The following DTNB variants were observed in gnomAD, a reference collection of about 807,000 sequenced individuals.
The protein encoded by DTNB is DTN-B.
DTNB carries 63 observed loss-of-function variants against 90.7 expected under a neutral mutation model. That is an observed-to-expected ratio of 0.69 (90% CI 0.57 to 0.86). The LOEUF is 0.86. DTNB is among the 40% of genes least tolerant of loss of function. The pLI, the probability that DTNB is intolerant of heterozygous loss-of-function variation, is 0.00. For synonymous variants in DTNB, 277 were observed against 286.7 expected (o/e 0.97, Z 0.34); for missense variants, 744 against 807.1 (o/e 0.92, Z 0.95).
intron 3 of DTNB, among the ~76,000 whole-genome samples, chr2:25,634,538 C>G (rs1427322904): frequency 6.8e-6 from 1 of 147,346 alleles, no homozygotes; most frequent in Non-Finnish European, 1.5e-5. Flanking sequence ...GCCCGGCCAC[C>G]ACCCCGTCTG....
At chr2:25,457,537 C>T (rs750548087) in intron 10 of DTNB, among the ~76,000 whole-genome samples, 3 of 152,054 alleles carry the variant, frequency 2.0e-5, no homozygotes, top group East Asian at 1.9e-4. Flanking sequence ...TTCAAGGTAC[C>T]GTTCCATTTT....
intron 4 of DTNB, among the ~76,000 whole-genome samples, chr2:25,619,684 T>C (rs760500834): frequency 6.6e-6 from 1 of 152,056 alleles, no homozygotes; most frequent in Admixed American, 6.6e-5. Context: ...AAACAAGAAC[T>C]GTAAGTCATC....
chr2:25,636,315 A>G (rs2077117831), intron 3 of DTNB, among the ~76,000 whole-genome samples: 1 of 152,202 alleles, frequency 6.6e-6, no homozygotes, highest in Non-Finnish European at 1.5e-5. Context: ...ACTGACTACT[A>G]CTTATCCTGT....
chr2:25,407,057 T>C (rs2045374025), intron 16 of DTNB, among the ~76,000 whole-genome samples: 1 of 152,196 alleles, frequency 6.6e-6, no homozygotes, highest in Non-Finnish European at 1.5e-5. Flanking sequence ...TAGCCATCTG[T>C]GCAGAGCTGG....
Position 25,474,783 on chromosome 2 carries a change from C to T in DTNB, c.1079+8013G>A, listed in dbSNP as rs529991625. On this transcript the variant is annotated intron_variant, in intron 10 of 20. Transcript: ENST00000406818. ...CATTTTTTCCAACAGCATGTGCTCA[C>T]TTGGTGTCTCTGTGCCACATTTTGG... Among the ~76,000 whole-genome samples, 3 of 152,310 alleles carry T rather than the reference C, an allele frequency of 2.0e-5. 1 individual carries two copies. The South Asian group carries it at 6.2e-4, about 32-fold the overall frequency.
intron 9 of DTNB, among the ~76,000 whole-genome samples, chr2:25,484,010 CTACA>C (rs1257831693): frequency 6.6e-6 from 1 of 152,164 alleles, no homozygotes; most frequent in African/African-American, 2.4e-5. Flanking sequence ...AGCTTGGAGG[CTACA>C]TACATAGAGT....
chr2:25,620,273 C>T (rs17803855), intron 4 of DTNB, among the ~76,000 whole-genome samples: 4,836 of 152,144 alleles, frequency 0.032, 105 homozygotes, highest in Middle Eastern at 0.055. Flanking sequence ...ATTAAACCAA[C>T]GGAGGAGTGT....
intron 1 of DTNB, among the ~76,000 whole-genome samples, chr2:25,665,538 ATC>A (rs1379653042): frequency 6.6e-6 from 1 of 152,114 alleles, no homozygotes; most frequent in Non-Finnish European, 1.5e-5. Flanking sequence ...AGGCAAGAGA[ATC>A]CCTTGAACCC....
intron 16 of DTNB, 44 bp from the exon 17 acceptor site, chr2:25,388,405 C>A (rs781610144): frequency 6.4e-7 from 1 of 1,555,892 alleles, no homozygotes; most frequent in Admixed American, 1.9e-5. Flanking sequence ...AAGTACCTGA[C>A]CTCTTTGAGG....
intron 14 of DTNB, among the ~76,000 whole-genome samples, chr2:25,428,641 C>T (rs1031355082): frequency 2.0e-5 from 3 of 152,048 alleles, no homozygotes; most frequent in South Asian, 4.1e-4. Context: ...CCATGTTGGC[C>T]AGGCTGGTCT....
chr2:25,628,487 A>G (rs978533682), intron 3 of DTNB, 103 bp from the exon 4 acceptor site: 1 of 1,104,798 alleles, frequency 9.1e-7, no homozygotes, highest in African/African-American at 1.6e-5. Flanking sequence ...TTTAAAGAGA[A>G]GAAACTCTTT....
At chr2:25,558,517 C>T in intron 8 of DTNB, 1 of 515,734 alleles carries the variant, frequency 1.9e-6, no homozygotes, top group Non-Finnish European at 2.5e-6. Flanking sequence ...CTAAGTCATA[C>T]ACTTCTTTGT....
chr2:25,484,550 C>CT (rs1393939253), intron 9 of DTNB, among the ~76,000 whole-genome samples: 1 of 152,178 alleles, frequency 6.6e-6, no homozygotes, highest in African/African-American at 2.4e-5. Context: ...TATCTATGCA[C>CT]TTTTTTTTCT....
At chr2:25,548,752 G>A (rs1196533643) in intron 8 of DTNB, among the ~76,000 whole-genome samples, 2 of 152,294 alleles carry the variant, frequency 1.3e-5, no homozygotes, top group East Asian at 3.9e-4. Flanking sequence ...AGCTCTTGGA[G>A]TGCATCCAGC....
At chr2:25,473,628 A>G (rs2063219623) in intron 10 of DTNB, among the ~76,000 whole-genome samples, 5 of 152,160 alleles carry the variant, frequency 3.3e-5, no homozygotes, top group African/African-American at 9.7e-5. Context: ...TGTTGGCTCT[A>G]AGTATTTGTA....
intron 9 of DTNB, among the ~76,000 whole-genome samples, chr2:25,515,553 A>G (rs896933083): frequency 6.6e-6 from 1 of 151,372 alleles, no homozygotes; most frequent in African/African-American, 2.4e-5. Flanking sequence ...ACTGGTGCTT[A>G]GACAAGTGGA....
intron 12 of DTNB, 95 bp from the exon 13 acceptor site, chr2:25,434,090 T>C (rs2054869973): frequency 8.5e-7 from 1 of 1,173,012 alleles, no homozygotes; most frequent in East Asian, 2.4e-5. Context: ...ATTTTTGACA[T>C]ATAATTTACA....
chr2:25,607,600 C>T (rs1416337517), intron 4 of DTNB, among the ~76,000 whole-genome samples: 1 of 151,978 alleles, frequency 6.6e-6, no homozygotes, highest in Non-Finnish European at 1.5e-5. Flanking sequence ...AATGGATGAA[C>T]CTGAAGTGAA....
intron 8 of DTNB, among the ~76,000 whole-genome samples, chr2:25,556,164 ATC>A (rs1306851073): frequency 7.9e-6 from 1 of 125,878 alleles, no homozygotes; most frequent in African/African-American, 3.3e-5. Flanking sequence ...TGTTTTGGCC[ATC>A]TCTCTTTTTT....
Sources: gnomAD v4.1 joint callset for allele counts (sites outside exome capture counted in the v4.1 genomes callset) on GRCh38, gnomAD v4.1.1 for gene constraint, MANE v1.5 for transcripts, NCBI Gene and HGNC (gene_info 2026-07-23, HGNC 2026-07-21) for gene names.